ABTB3: variants seen among roughly 807,000 people sequenced by gnomAD.
ABTB3 encodes ankyrin repeat- and BTB/POZ domain-containing protein 3.
chr12:107,456,050 T>A, the ABTB3 span, among the ~76,000 whole-genome samples: 24 of 152,178 alleles, frequency 1.6e-4, no homozygotes, highest in African/African-American at 5.8e-4. Flanking sequence ...AACAGAAGCA[T>A]GAGAAATGGA....
At chr12:107,657,484 C>G in the ABTB3 span, 1 of 1,603,328 alleles carries the variant, frequency 6.2e-7, no homozygotes, top group African/African-American at 1.3e-5. Context: ...GTAACCATCT[C>G]CCATTTCCTC....
At chr12:107,435,109 C>T in the ABTB3 span, among the ~76,000 whole-genome samples, 3 of 152,120 alleles carry the variant, frequency 2.0e-5, no homozygotes, top group Non-Finnish European at 4.4e-5. Flanking sequence ...ATCAGTGCTA[C>T]AAAAACAAAC....
chr12:107,482,813 C>G, the ABTB3 span, among the ~76,000 whole-genome samples: 3 of 147,940 alleles, frequency 2.0e-5, no homozygotes, highest in African/African-American at 7.4e-5. Flanking sequence ...CTTTTTTTTT[C>G]TTTCTTTCTT....
At chr12:107,500,306 C>T in the ABTB3 span, among the ~76,000 whole-genome samples, 1 of 152,172 alleles carries the variant, frequency 6.6e-6, no homozygotes, top group Non-Finnish European at 1.5e-5. Context: ...TCCCTGGCCC[C>T]CCATGACCTC....
At chr12:107,364,279 TC>T in the ABTB3 span, among the ~76,000 whole-genome samples, 4 of 151,540 alleles carry the variant, frequency 2.6e-5, no homozygotes, top group Admixed American at 2.6e-4. Flanking sequence ...CAAATACTTT[TC>T]TTTTTTCTTT....
At chr12:107,366,639 G>A in the ABTB3 span, among the ~76,000 whole-genome samples, 3 of 152,232 alleles carry the variant, frequency 2.0e-5, no homozygotes, top group East Asian at 1.9e-4. Flanking sequence ...AGTGAAGCAC[G>A]GTTTTTCTTC....
chr12:107,619,303 G>C, the ABTB3 span, among the ~76,000 whole-genome samples: 2 of 152,206 alleles, frequency 1.3e-5, no homozygotes, highest in African/African-American at 4.8e-5. Context: ...CATGAGAGGC[G>C]AGAGGCAAAT....
chr12:107,463,668 A>T, the ABTB3 span, among the ~76,000 whole-genome samples: 13,830 of 152,232 alleles, frequency 0.091, 675 homozygotes, highest in Middle Eastern at 0.14. Flanking sequence ...TGCAATAATG[A>T]TAACATCAGC....
the ABTB3 span, among the ~76,000 whole-genome samples, chr12:107,468,443 A>C: frequency 6.6e-6 from 1 of 152,184 alleles, no homozygotes; most frequent in Non-Finnish European, 1.5e-5. Context: ...GCAGATAGCC[A>C]GGGACCTGCG....
chr12:107,603,389 A>G, the ABTB3 span, among the ~76,000 whole-genome samples: 1 of 152,184 alleles, frequency 6.6e-6, no homozygotes, highest in Non-Finnish European at 1.5e-5. Context: ...ATTATTTATT[A>G]TTTATTTTGG....
At chr12:107,406,325 G>A in the ABTB3 span, among the ~76,000 whole-genome samples, 1 of 152,214 alleles carries the variant, frequency 6.6e-6, no homozygotes, top group Non-Finnish European at 1.5e-5. Flanking sequence ...AGCTATTTGG[G>A]AGGCTGAGAT....
At chr12:107,391,249 C>A in the ABTB3 span, among the ~76,000 whole-genome samples, 8 of 152,176 alleles carry the variant, frequency 5.3e-5, no homozygotes, top group Non-Finnish European at 1.0e-4. Context: ...GAAGCTGGGG[C>A]ACAGAGGAGT....
At chr12:107,568,151 A>T in the ABTB3 span, among the ~76,000 whole-genome samples, 2 of 152,356 alleles carry the variant, frequency 1.3e-5, no homozygotes, top group Non-Finnish European at 2.9e-5. Flanking sequence ...AGCAGACTTG[A>T]GATCAAACCC....
the ABTB3 span, among the ~76,000 whole-genome samples, chr12:107,378,531 T>G: frequency 6.6e-6 from 1 of 152,184 alleles, no homozygotes; most frequent in South Asian, 2.1e-4. Flanking sequence ...AGCAAGTAAG[T>G]AGGGGAGCTA....
the ABTB3 span, among the ~76,000 whole-genome samples, chr12:107,335,473 G>T: frequency 1.3e-5 from 2 of 151,984 alleles, no homozygotes; most frequent in Admixed American, 6.6e-5. Context: ...CCAAATCAAC[G>T]ATTTTGATCT....
chr12:107,337,370 G>T, the ABTB3 span, among the ~76,000 whole-genome samples: 5 of 152,252 alleles, frequency 3.3e-5, no homozygotes, highest in Non-Finnish European at 1.5e-5. Context: ...TGAATTCCCA[G>T]TTGGTGCCTC....
chr12:107,516,227 TC>T, the ABTB3 span, among the ~76,000 whole-genome samples: 1 of 126,984 alleles, frequency 7.9e-6, no homozygotes, highest in Non-Finnish European at 1.7e-5. Flanking sequence ...CATCCATTAT[TC>T]TTTTTTTTTT....
At chr12:107,397,175 T>C in the ABTB3 span, among the ~76,000 whole-genome samples, 5 of 152,252 alleles carry the variant, frequency 3.3e-5, no homozygotes, top group African/African-American at 1.2e-4. Context: ...CGTTTGCAGC[T>C]TGACTGGCTA....
the ABTB3 span, among the ~76,000 whole-genome samples, chr12:107,330,362 G>A: frequency 6.6e-6 from 1 of 152,166 alleles, no homozygotes; most frequent in African/African-American, 2.4e-5. Flanking sequence ...TGGGAAGGCT[G>A]GTTAGGTATT....
Sources: gnomAD v4.1 joint callset for allele counts (sites outside exome capture counted in the v4.1 genomes callset) on GRCh38, gnomAD v4.1.1 for gene constraint, MANE v1.5 for transcripts, NCBI Gene and HGNC (gene_info 2026-07-23, HGNC 2026-07-21) for gene names.